The following CACHD1 variants were observed in gnomAD, a reference collection of about 807,000 sequenced individuals.
CACHD1 encodes the protein VWFA and cache domain-containing protein 1.
A neutral mutation model predicts 138.7 loss-of-function variants in CACHD1; 71 were observed. The ratio of observed to expected loss-of-function variants is 0.51; its 90% CI spans 0.42 to 0.62. The LOEUF is 0.62. Ranked by LOEUF, CACHD1 falls within the 20% of genes least tolerant of loss-of-function variation. CACHD1 has a pLI of 0.00. For missense variants in CACHD1, 1,389 were observed against 1,625.3 expected, an observed-to-expected ratio of 0.85 and a Z score of 2.50; for synonymous variants, 578 against 591.5, an observed-to-expected ratio of 0.98 and a Z score of 0.33.
intron 2 of CACHD1, among the ~76,000 whole-genome samples, chr1:64,573,403 A>G (rs909607220): frequency 2.0e-5 from 3 of 152,124 alleles, no homozygotes; most frequent in Non-Finnish European, 4.4e-5. Flanking sequence ...TTCCCACTTT[A>G]CAGAACTATG....
chr1:64,612,244 ATTATC>A (rs745624066), intron 4 of CACHD1, among the ~76,000 whole-genome samples: 26 of 152,234 alleles, frequency 1.7e-4, no homozygotes, highest in Non-Finnish European at 3.1e-4. Context: ...AAGTTATTAT[ATTATC>A]TTAATACAAA....
At chr1:64,493,758 CACACACACCTTTTCTCCTCCCTGCA>C (rs914918126) in intron 1 of CACHD1, among the ~76,000 whole-genome samples, 3 of 152,190 alleles carry the variant, frequency 2.0e-5, no homozygotes, top group African/African-American at 7.2e-5. Context: ...TCCTCCCTGC[CACACACACCTTTTCTCCTCCCTGCA>C]GTGGATTTAC....
At chr1:64,490,927 T>G (rs1419319962) in intron 1 of CACHD1, among the ~76,000 whole-genome samples, 1 of 152,236 alleles carries the variant, frequency 6.6e-6, no homozygotes. Context: ...CTGAAAACTC[T>G]TGCCCTTTAA....
chr1:64,595,549 C>T (rs1475800428), intron 3 of CACHD1, among the ~76,000 whole-genome samples: 1 of 152,106 alleles, frequency 6.6e-6, no homozygotes, highest in Non-Finnish European at 1.5e-5. Flanking sequence ...CTCTCCCCAG[C>T]CTGTTCTCTC....
At chr1:64,479,342 G>A (rs1279638036) in intron 1 of CACHD1, among the ~76,000 whole-genome samples, 1 of 152,182 alleles carries the variant, frequency 6.6e-6, no homozygotes, top group Non-Finnish European at 1.5e-5. Context: ...CTTGGAGAAA[G>A]TGTCAGGGAT....
intron 1 of CACHD1, among the ~76,000 whole-genome samples, chr1:64,475,429 G>T (rs1646169421): frequency 6.6e-6 from 1 of 152,098 alleles, no homozygotes; most frequent in African/African-American, 2.4e-5. Context: ...GCTTCCCAAA[G>T]TTCTGGAATT....
chr1:64,678,264 G>T lies in CACHD1; in HGVS notation c.3198G>T (p.Gly1066=). ...YCAPQKECFG[G]IVGAKSPYVD... ...CCCCCCAGAAAGAATGCTTCGGGGG[G>T]ATTGTGGGAGCCAAAAGTCCCTACG... The change falls in exon 23 of 27, where the codon GGG becomes GGT. Residue 1066 remains glycine, a synonymous_variant. Transcript: ENST00000651257. 1 of 1,601,604 alleles carries T rather than the reference G, an allele frequency of 6.2e-7. No individual in the cohort carries two copies. Among genetic ancestry groups the T allele is most frequent in the Non-Finnish European group, 8.5e-7 (1 of 1,175,674 alleles).
At chr1:64,527,663 C>A (rs529774293) in intron 1 of CACHD1, among the ~76,000 whole-genome samples, 173 of 152,258 alleles carry the variant, frequency 1.1e-3, no homozygotes, top group African/African-American at 4.0e-3. Context: ...AACCAATTTC[C>A]TTTCTCTCTG....
intron 1 of CACHD1, among the ~76,000 whole-genome samples, chr1:64,481,172 T>C (rs1049970719): frequency 7.2e-5 from 11 of 152,156 alleles, no homozygotes; most frequent in African/African-American, 2.7e-4. Context: ...ATTGTAATTG[T>C]AGAGTGGAAG....
At chr1:64,502,287 T>C (rs758623473) in intron 1 of CACHD1, among the ~76,000 whole-genome samples, 1 of 152,216 alleles carries the variant, frequency 6.6e-6, no homozygotes, top group Non-Finnish European at 1.5e-5. Context: ...AATTGATTTG[T>C]TGTATTGCTT....
intron 1 of CACHD1, among the ~76,000 whole-genome samples, chr1:64,501,939 G>A (rs1302081602): frequency 1.3e-5 from 2 of 152,186 alleles, no homozygotes; most frequent in Non-Finnish European, 2.9e-5. Flanking sequence ...CTAGAACTCA[G>A]GTGTCATTAC....
intron 5 of CACHD1, among the ~76,000 whole-genome samples, chr1:64,630,057 A>G (rs1648247205): frequency 6.6e-6 from 1 of 152,220 alleles, no homozygotes; most frequent in Admixed American, 6.5e-5. Flanking sequence ...ACTTTGTATG[A>G]CAAGACTCAT....
chr1:64,511,119 A>G (rs1228931890), intron 1 of CACHD1, among the ~76,000 whole-genome samples: 1 of 152,212 alleles, frequency 6.6e-6, no homozygotes, highest in Non-Finnish European at 1.5e-5. Flanking sequence ...CAGGTATAGG[A>G]CATTAAAGCA....
Position 64,478,719 on chromosome 1 carries a change from T to C in CACHD1, c.198+7777T>C, listed in dbSNP as rs138077514. On this transcript the variant is annotated intron_variant, in intron 1 of 26. Transcript: ENST00000651257. ...ATCTAGAGTACACCCAGGGTTGCTA[T>C]ATCGAATTCATGTTTCTAGAGGTCA... 7.2e-5 allele frequency among the ~76,000 whole-genome samples: 11 copies of C among 152,226 alleles called. No homozygotes were observed. The East Asian group carries it at 2.1e-3, about 29-fold the overall frequency.
At chr1:64,489,292 T>C (rs1273942890) in intron 1 of CACHD1, among the ~76,000 whole-genome samples, 2 of 152,140 alleles carry the variant, frequency 1.3e-5, no homozygotes, top group Non-Finnish European at 2.9e-5. Flanking sequence ...TTTTCCAATC[T>C]CCCAGGAATG....
chr1:64,527,544 G>A (rs1646550612), intron 1 of CACHD1, among the ~76,000 whole-genome samples: 1 of 152,086 alleles, frequency 6.6e-6, no homozygotes, highest in Non-Finnish European at 1.5e-5. Flanking sequence ...AGGGTCTGGA[G>A]GAAGTGAATT....
At chr1:64,647,520 C>A (rs965973955) in intron 8 of CACHD1, among the ~76,000 whole-genome samples, 4 of 152,186 alleles carry the variant, frequency 2.6e-5, no homozygotes, top group African/African-American at 7.2e-5. Flanking sequence ...GGGGAGAACA[C>A]ATTCTTACTG....
At position 64,654,745 on chromosome 1, in the gene CACHD1, T is replaced by C. The variant is rs756201626; in HGVS notation, c.1724T>C (p.Ile575Thr). 2.5e-6 allele frequency: 4 copies of C among 1,613,988 alleles called. No individual in the cohort carries two copies. The highest frequency in any genetic ancestry group is 3.4e-6 in the Non-Finnish European group (4 of 1,179,878). The change falls in exon 12 of 27, where the codon ATA becomes ACA. Residue 575 changes from isoleucine (I) to threonine (T), a missense_variant. Ile to Thr is a moderately conservative substitution (Grantham distance 89, BLOSUM62 -1). Around this residue, in one of 5 missense-constraint regions of CACHD1, gnomAD observed 1,000 missense variants for 1,114.7 expected, o/e 0.90. Transcript: ENST00000651257. Reference protein sequence around the residue: ...VPVNSSLSWHINKLRETGKEA... With the variant: ...VPVNSSLSWHTNKLRETGKEA... ...GTGAACTCATCCCTGTCTTGGCACA[T>C]AAACAAGCTGAGAGAAACTGGAAAG...
At chr1:64,516,265 C>T (rs1236073326) in intron 1 of CACHD1, among the ~76,000 whole-genome samples, 3 of 152,158 alleles carry the variant, frequency 2.0e-5, no homozygotes, top group African/African-American at 7.2e-5. Context: ...TCTCCATTCT[C>T]ATTTTAGCCA....
Sources: gnomAD v4.1 joint callset for allele counts (sites outside exome capture counted in the v4.1 genomes callset) on GRCh38, gnomAD v4.1.1 for gene constraint, gnomAD v4.1.1 regional missense constraint, MANE v1.5 for transcripts, NCBI Gene and HGNC (gene_info 2026-07-23, HGNC 2026-07-21) for gene names.